The following CCDC88C variants were observed in gnomAD, a reference collection of about 807,000 sequenced individuals.
The protein encoded by CCDC88C is protein Daple.
Under a neutral mutation model 198.8 loss-of-function variants are expected in CCDC88C, and 131 were observed. The ratio of observed to expected loss-of-function variants is 0.66; its 90% CI spans 0.57 to 0.76. The LOEUF is 0.76. CCDC88C is among the 30% of genes least tolerant of loss of function. CCDC88C has a pLI of 0.00. For synonymous variants in CCDC88C, 1,166 were observed against 1,114.7 expected (o/e 1.05, Z -0.92); for missense variants, 2,553 against 2,631.6 (o/e 0.97, Z 0.65).
Position 91,294,322 on chromosome 14 carries a change from G to T in CCDC88C, c.3967-4C>A, listed in dbSNP as rs1194771101. On this transcript the variant is annotated splice_region_variant and splice_polypyrimidine_tract_variant and intron_variant, in intron 22 of 29. Transcript: ENST00000389857. ...TCCCCTTGAGACGGGAGAGCAGCTA[G>T]AACACAGACCAACAGCGTCTCAGAC... 6 of 1,613,802 alleles carry T rather than the reference G, an allele frequency of 3.7e-6. No individual in the cohort carries two copies. The East Asian group carries it at 1.1e-4, about 30-fold the overall frequency.
rs776922136 is a variant in CCDC88C, at chr14:91,297,390, T to C, written c.3881A>G (p.Asn1294Ser). 5 of 1,613,114 alleles carry C rather than the reference T, an allele frequency of 3.1e-6. No individual in the cohort carries two copies. Among genetic ancestry groups the C allele is most frequent in the Admixed American group, 3.3e-5 (2 of 59,856 alleles). Residue 1294 changes from asparagine (N) to serine (S), a missense_variant, in exon 22 of 30, where the codon AAC (asparagine) becomes AGC (serine). Around this residue, in one of 2 missense-constraint regions of CCDC88C, gnomAD observed 1,293 missense variants for 1,219.6 expected, o/e 1.06. Coordinates refer to ENST00000389857, the MANE Select transcript of CCDC88C (RefSeq NM_001080414.4). The stretch of plus-strand genomic sequence containing the variant: ...CTCGTCGAAGCGGGCCTGCCAGCGG[T>C]TGAGCTCCAGCTGCGCGTTGTTCAG... Reference protein sequence around the residue: ...TSLNNAQLELNRWQARFDELK... With the variant: ...TSLNNAQLELSRWQARFDELK...
At chr14:91,290,133 G>A (rs1287641743) in intron 24 of CCDC88C, among the ~76,000 whole-genome samples, 3 of 152,160 alleles carry the variant, frequency 2.0e-5, no homozygotes, top group South Asian at 2.1e-4. Flanking sequence ...TTAGCTGGGC[G>A]TGGTGGCACA....
Position 91,411,301 on chromosome 14 carries a change from G to A in CCDC88C, c.162-2534C>T, listed in dbSNP as rs187809885. ...GGTTCTAGCCCAGGTCCCAAGCCCAGCCAAAGCTCACTGGGCTTCAGTGTT... is the reference window on the plus strand; with the variant it reads ...GGTTCTAGCCCAGGTCCCAAGCCCAACCAAAGCTCACTGGGCTTCAGTGTT... On this transcript the variant is annotated intron_variant, in intron 2 of 29. Coordinates refer to ENST00000389857, the MANE Select transcript of CCDC88C (RefSeq NM_001080414.4). 1.3e-4 allele frequency among the ~76,000 whole-genome samples: 20 copies of A among 152,290 alleles called. 1 individual carries two copies. The East Asian group carries it at 3.7e-3, about 28-fold the overall frequency.
At chr14:91,294,947 C>T (rs919922362) in intron 22 of CCDC88C, among the ~76,000 whole-genome samples, 2 of 152,218 alleles carry the variant, frequency 1.3e-5, no homozygotes, top group Non-Finnish European at 2.9e-5. Context: ...CGTGAACCAC[C>T]GCGCCTGGCC....
intron 3 of CCDC88C, among the ~76,000 whole-genome samples, chr14:91,377,633 C>A (rs1884518353): frequency 6.6e-6 from 1 of 152,092 alleles, no homozygotes; most frequent in South Asian, 2.1e-4. Flanking sequence ...GTGCTAAGAA[C>A]CATGGTGGGG....
chr14:91,413,782 C>T (rs1326648651), intron 2 of CCDC88C, among the ~76,000 whole-genome samples: 1 of 152,230 alleles, frequency 6.6e-6, no homozygotes, highest in Non-Finnish European at 1.5e-5. Context: ...ACGTGACCCC[C>T]AGCCAACCTC....
intron 4 of CCDC88C, among the ~76,000 whole-genome samples, chr14:91,353,023 G>T (rs572283684): frequency 6.6e-6 from 1 of 152,244 alleles, no homozygotes; most frequent in Non-Finnish European, 1.5e-5. Flanking sequence ...GGCTACGAGA[G>T]AGAGGTTTCC....
Position 91,339,219 on chromosome 14 carries a change from C to T in CCDC88C, c.809+59G>A. ...GCAGCACCACACATGTGAGTCGACA[C>T]CACACCAGAAACATGTCTGCAACAC... On this transcript the variant is annotated intron_variant, in intron 8 of 29. Transcript: ENST00000389857. The surrounding 1 kb of genome is among the most constrained non-coding windows in gnomAD (Gnocchi z 5.8). 1 of 1,588,134 alleles carries T rather than the reference C, an allele frequency of 6.3e-7. No homozygotes were observed. Among genetic ancestry groups the T allele is most frequent in the Non-Finnish European group, 8.6e-7 (1 of 1,164,756 alleles).
At chr14:91,285,813 A>G in intron 25 of CCDC88C, 1 of 1,288,988 alleles carries the variant, frequency 7.8e-7, no homozygotes. Flanking sequence ...CTTTTCAAAA[A>G]GGGACTCTTT....
Position 91,319,955 on chromosome 14 carries a change from G to A in CCDC88C, c.1527+1165C>T, listed in dbSNP as rs1817426343. On this transcript the variant is annotated intron_variant, in intron 13 of 29. Coordinates refer to ENST00000389857, the MANE Select transcript of CCDC88C (RefSeq NM_001080414.4). ...CAGGAGAATCACTTGAACCTGGGAG[G>A]TGGAGTTGCAATGAGCTGAGATTGT... is the stretch of plus-strand genomic sequence containing the variant. Among the ~76,000 whole-genome samples, 3 of 149,472 alleles carry A rather than the reference G, an allele frequency of 2.0e-5. No individual in the cohort carries two copies. The Admixed American group carries it at 2.0e-4, about 10-fold the overall frequency.
chr14:91,330,250 C>G (rs2139840919), intron 10 of CCDC88C, among the ~76,000 whole-genome samples: 1 of 152,354 alleles, frequency 6.6e-6, no homozygotes, highest in South Asian at 2.1e-4. Context: ...GAGACGCAGC[C>G]CGCACAGTTC....
intron 27 of CCDC88C, 106 bp downstream of exon 27, chr14:91,281,351 A>T (rs886310918): frequency 1.2e-5 from 19 of 1,576,226 alleles, no homozygotes; most frequent in Non-Finnish European, 1.5e-5. Flanking sequence ...TTCCACCTTC[A>T]TTTGGTGTTG....
At position 91,283,535 on chromosome 14, in the gene CCDC88C, A is replaced by G. The variant is rs1352261032; in HGVS notation, c.4442-18T>C. On this transcript the variant is annotated intron_variant, in intron 25 of 29. Coordinates refer to ENST00000389857, the MANE Select transcript of CCDC88C (RefSeq NM_001080414.4). ...CCCAGGGCCTGAGGCAGAAGAGGAC[A>G]TTGAGAAATGAGGCTGCCAAGTCCT... 3 of 1,598,258 alleles carry G rather than the reference A, an allele frequency of 1.9e-6. No homozygotes were observed. Among genetic ancestry groups the G allele is most frequent in the Non-Finnish European group, 2.6e-6 (3 of 1,172,038 alleles).
rs369521937 is a variant in CCDC88C, at chr14:91,276,968, TTTTTA to T, written c.5058+949_5058+953del. 2.3e-3 allele frequency among the ~76,000 whole-genome samples: 356 copies of T among 152,232 alleles called. 2 individuals carry two copies. The highest frequency in any genetic ancestry group is 8.3e-3 in the African/African-American group (345 of 41,550). On this transcript the variant is annotated intron_variant, in intron 29 of 29. Transcript: ENST00000389857. ...TGTGAGAATAGTTGCTACATTTTTATTTTTATTTTATTTTTTCTTGAGACAGAGTC... is the reference window on the plus strand; with the variant it reads ...TGTGAGAATAGTTGCTACATTTTTATTTTTATTTTTTCTTGAGACAGAGTC...
At chr14:91,405,924 CACTG>C (rs1214198306) in intron 3 of CCDC88C, among the ~76,000 whole-genome samples, 2 of 152,218 alleles carry the variant, frequency 1.3e-5, no homozygotes, top group Non-Finnish European at 2.9e-5. Context: ...TGTCAGCATA[CACTG>C]ACTGACCATT....
intron 3 of CCDC88C, among the ~76,000 whole-genome samples, chr14:91,397,474 ACACT>A (rs1885918655): frequency 6.6e-6 from 1 of 151,394 alleles, no homozygotes; most frequent in African/African-American, 2.4e-5. Flanking sequence ...TCACACTCAC[ACACT>A]CTCACACTCA....
intron 19 of CCDC88C, 40 bp from the exon 20 acceptor site, chr14:91,304,018 A>G (rs773508385): frequency 6.3e-6 from 10 of 1,581,668 alleles, no homozygotes; most frequent in Non-Finnish European, 7.7e-6. Context: ...CAGGCCCCAC[A>G]GTCAGCGAGG....
rs762398207 is a variant in CCDC88C at position 91,303,983 on chromosome 14, C to T, written c.3358-5G>A. On this transcript the variant is annotated splice_region_variant and splice_polypyrimidine_tract_variant and intron_variant, in intron 19 of 29. Transcript: ENST00000389857. ...ACTCAGCGTGGAGTTCTCCACCTGC[C>T]GAGAGGGAGAAGCGCGGCGTGGCGC... 3.8e-6 allele frequency: 6 copies of T among 1,595,334 alleles called. No homozygotes were observed. Among genetic ancestry groups the T allele is most frequent in the South Asian group, 1.1e-5 (1 of 90,934 alleles).
At chr14:91,405,708 T>C (rs933857567) in intron 3 of CCDC88C, among the ~76,000 whole-genome samples, 1 of 152,224 alleles carries the variant, frequency 6.6e-6, no homozygotes, top group Non-Finnish European at 1.5e-5. Flanking sequence ...GCTACTTGTC[T>C]GTTTTCTAAG....
Sources: allele counts gnomAD v4.1 joint callset (sites outside exome capture counted in the v4.1 genomes callset), GRCh38; gene constraint gnomAD v4.1.1; regional missense constraint gnomAD v4.1.1; non-coding constraint Gnocchi (gnomAD v3.1); transcripts MANE v1.5; gene names NCBI Gene and HGNC (gene_info 2026-07-23, HGNC 2026-07-21).